The following MYRF variants were observed in gnomAD, a reference collection of about 807,000 sequenced individuals.
MYRF encodes the protein myelin gene regulatory factor.
Under a neutral mutation model 126.3 loss-of-function variants are expected in MYRF, and 16 were observed. The ratio of observed to expected loss-of-function variants is 0.13; its 90% CI spans 0.09 to 0.19. The LOEUF (loss-of-function observed/expected upper bound fraction) is 0.19. MYRF is among the 10% of genes least tolerant of loss of function. MYRF has a pLI of 1.00. For synonymous variants in MYRF, 608 were observed against 635.3 expected (o/e 0.96, Z 0.65); for missense variants, 1,104 against 1,547.0 (o/e 0.71, Z 4.80).
Position 61,776,784 on chromosome 11 carries a change from C to T in MYRF, c.1500-3C>T. 1 of 1,594,476 alleles carries T rather than the reference C, an allele frequency of 6.3e-7. No homozygotes were observed. The highest frequency in any genetic ancestry group is 8.5e-7 in the Non-Finnish European group (1 of 1,170,866). On this transcript the variant is annotated splice_region_variant and splice_polypyrimidine_tract_variant and intron_variant, in intron 10 of 26. Coordinates refer to ENST00000278836, the MANE Select transcript of MYRF (RefSeq NM_001127392.3). This position sits in a 1 kb window ranked among gnomAD's most constrained non-coding sequence, Gnocchi z 4.3. ...GTACTTCTGAGACCCCTGTGTGTCC[C>T]AGGTACTTCATGCTGGTGGTGGCCC...
chr11:61,776,298 G>A lies in MYRF; in HGVS notation c.1389-24G>A. 1 of 1,600,644 alleles carries A rather than the reference G, an allele frequency of 6.2e-7. No individual in the cohort carries two copies. Among genetic ancestry groups the A allele is most frequent in the Non-Finnish European group, 8.5e-7 (1 of 1,171,952 alleles). On this transcript the variant is annotated intron_variant, in intron 9 of 26. Transcript: ENST00000278836. This position sits in a 1 kb window ranked among gnomAD's most constrained non-coding sequence, Gnocchi z 4.3. ...CTTGCAGCCTCCCTCCCTGCCCCCT[G>A]AGCACCCTGCCTCTCCTCTGCAGGG...
rs369767896 is a variant in MYRF at position 61,769,263 on chromosome 11, A to G, written c.402A>G (p.Thr134=). ...CCCCTTCCCCTGGCTCTCGCAGCAC[A>G]CTGCCGGACTCTCCCCCAGACTCGG... is the stretch of plus-strand genomic sequence containing the variant. ...AEPKAPYAPG[T]LPDSPPDSGS... Residue 134 remains threonine, a synonymous_variant, in exon 4 of 27, where the codon ACA becomes ACG. Coordinates refer to ENST00000278836, the MANE Select transcript of MYRF (RefSeq NM_001127392.3). The G allele has an allele frequency of 8.6e-5, 138 of 1,601,532 alleles. 1 individual carries two copies. In the Admixed American group the frequency reaches 1.4e-3, roughly 17 times the overall value.
rs549642501 is a variant in MYRF at position 61,761,064 on chromosome 11, C to T, written c.47-4561C>T. ...ATCCACCAAGCCTGGCCAGCATCCTCGGGCCCCGGCCCACCCTACCCACAG... is the reference window on the plus strand; with the variant it reads ...ATCCACCAAGCCTGGCCAGCATCCTTGGGCCCCGGCCCACCCTACCCACAG... On this transcript the variant is annotated intron_variant, in intron 1 of 26. Coordinates refer to ENST00000278836, the MANE Select transcript of MYRF (RefSeq NM_001127392.3). 6.6e-5 allele frequency among the ~76,000 whole-genome samples: 10 copies of T among 152,292 alleles called. No homozygotes were observed. In the East Asian group the frequency reaches 1.7e-3, roughly 26 times the overall value.
Position 61,770,345 on chromosome 11 carries a change from G to GCC in MYRF, c.565_566dup (p.Pro190ArgfsTer19). The GCC allele has an allele frequency of 6.6e-7, 1 of 1,504,818 alleles. No homozygotes were observed. The highest frequency in any genetic ancestry group is 1.2e-5 in the South Asian group (1 of 82,342). The allele number at this position is 1,504,818 out of a possible 1,614,324, so 93.2% of individuals were successfully genotyped here. A position where few individuals can be genotyped will look rare whatever the true frequency, so the allele number is the denominator to read the frequency against. On this transcript the variant is annotated frameshift_variant, in exon 5 of 27. Coordinates refer to ENST00000278836, the MANE Select transcript of MYRF (RefSeq NM_001127392.3). LOFTEE classifies it high-confidence loss of function. Reference sequence around the variant, plus strand: ...CCCCCACCTCCAGCCCACTTGCCAGGCCCCCCGCCACCCCCACCACCCCCA... The same window carrying GCC: ...CCCCCACCTCCAGCCCACTTGCCAGGCCCCCCCCGCCACCCCCACCACCCCCA...
rs540681582 is a variant in MYRF at position 61,764,933 on chromosome 11, G to A, written c.47-692G>A. ...AGGCTTCTGCCTCCTCTGGAAAAAG[G>A]GGGCTAAGTTCCCCCGCCTGTGCCC... On this transcript the variant is annotated intron_variant, in intron 1 of 26. Coordinates refer to ENST00000278836, the MANE Select transcript of MYRF (RefSeq NM_001127392.3). Among the ~76,000 whole-genome samples the A allele has an allele frequency of 2.6e-4, 40 of 152,320 alleles. No individual in the cohort carries two copies. The East Asian group carries it at 5.6e-3, about 21-fold the overall frequency.
intron 24 of MYRF, 151 bp downstream of exon 24, chr11:61,784,076 G>T: frequency 2.8e-6 from 3 of 1,071,232 alleles, no homozygotes; most frequent in Non-Finnish European, 4.1e-6. Context: ...CCTACTTCGT[G>T]GTTAACTGGC....
rs563178516 is a variant in MYRF, at chr11:61,764,971, G to A, written c.47-654G>A. ...CCCGCCTGTGCCCAACAGGGTGATG[G>A]GCATATCCAATGAGGGTGCAGGGAG... On this transcript the variant is annotated intron_variant, in intron 1 of 26. Coordinates refer to ENST00000278836, the MANE Select transcript of MYRF (RefSeq NM_001127392.3). 5.3e-5 allele frequency among the ~76,000 whole-genome samples: 8 copies of A among 152,356 alleles called. No individual in the cohort carries two copies. In the East Asian group the frequency reaches 1.3e-3, roughly 26 times the overall value.
chr11:61,774,575 A>G (rs987973065), intron 8 of MYRF, among the ~76,000 whole-genome samples: 4 of 149,720 alleles, frequency 2.7e-5, no homozygotes, highest in Non-Finnish European at 4.4e-5. Context: ...GTGTGTGTGT[A>G]TGTGTGTGTA....
At chr11:61,764,358 C>G (rs2135736196) in intron 1 of MYRF, among the ~76,000 whole-genome samples, 1 of 152,346 alleles carries the variant, frequency 6.6e-6, no homozygotes, top group East Asian at 1.9e-4. Context: ...GCACTTCACA[C>G]ACCTCATCTC....
In MYRF at chr11:61,777,916, T is replaced by A. The variant is rs930362399; in HGVS notation, c.1903+71T>A. The A allele has an allele frequency of 8.1e-7, 1 of 1,230,420 alleles. No individual in the cohort carries two copies. The highest frequency in any genetic ancestry group is 1.2e-6 in the Non-Finnish European group (1 of 863,936). 76.2% of individuals were successfully genotyped at this position (1,230,420 alleles called of 1,614,324 possible). On this transcript the variant is annotated intron_variant, in intron 13 of 26. Transcript: ENST00000278836. This position sits in a 1 kb window ranked among gnomAD's most constrained non-coding sequence, Gnocchi z 8.8. ...CTCGGGCCTCAGTGACCTTGCCCCCTGTCACCTGGAAATCCTACTCCTCTT... is the reference window on the plus strand; with the variant it reads ...CTCGGGCCTCAGTGACCTTGCCCCCAGTCACCTGGAAATCCTACTCCTCTT...
intron 1 of MYRF, among the ~76,000 whole-genome samples, chr11:61,763,102 C>G (rs2065945825): frequency 6.6e-6 from 1 of 152,114 alleles, no homozygotes; most frequent in Non-Finnish European, 1.5e-5. Context: ...CCGTAGATTC[C>G]AAGTTCAGGC....
At chr11:61,771,283 G>T (rs1320121070) in intron 5 of MYRF, among the ~76,000 whole-genome samples, 1 of 152,244 alleles carries the variant, frequency 6.6e-6, no homozygotes, top group Non-Finnish European at 1.5e-5. Context: ...CCTGTCCACA[G>T]TCTGGGGGAA....
At chr11:61,755,174 G>A (rs1448640737) in intron 1 of MYRF, among the ~76,000 whole-genome samples, 2 of 152,188 alleles carry the variant, frequency 1.3e-5, no homozygotes, top group Non-Finnish European at 1.5e-5. Flanking sequence ...GCAGCACAGC[G>A]CGCCCCCTCA....
chr11:61,781,373 C>T (rs752621644), intron 21 of MYRF, 44 bp downstream of exon 21: 23 of 1,602,782 alleles, frequency 1.4e-5, no homozygotes, highest in Admixed American at 1.4e-4. Context: ...GGGCTACCTG[C>T]GTAGAGAGAA....
chr11:61,761,015 G>A (rs2065879475), intron 1 of MYRF, among the ~76,000 whole-genome samples: 1 of 152,196 alleles, frequency 6.6e-6, no homozygotes, highest in Non-Finnish European at 1.5e-5. Flanking sequence ...CTGGGCCCTG[G>A]TGTCCTCTGC....
intron 1 of MYRF, among the ~76,000 whole-genome samples, chr11:61,759,418 C>G (rs545688765): frequency 6.6e-6 from 1 of 152,312 alleles, no homozygotes; most frequent in Admixed American, 6.5e-5. Flanking sequence ...GCCTGTAATC[C>G]CAGCACTTTG....
chr11:61,771,854 C>T lies in MYRF; in HGVS notation c.1017C>T (p.Leu339=), dbSNP rs749835565. 3.7e-6 allele frequency: 6 copies of T among 1,614,064 alleles called. No individual in the cohort carries two copies. Among genetic ancestry groups the T allele is most frequent in the Non-Finnish European group, 5.1e-6 (6 of 1,180,026 alleles). The change falls in exon 7 of 27, where the codon CTC becomes CTT. Residue 339 remains leucine (L), a synonymous_variant. Coordinates refer to ENST00000278836, the MANE Select transcript of MYRF (RefSeq NM_001127392.3). ...GCCTCCTGCAGGACAGTGACAGCCTCAGTGGCTCCTACCTGGACCCCAACT... is the reference window on the plus strand; with the variant it reads ...GCCTCCTGCAGGACAGTGACAGCCTTAGTGGCTCCTACCTGGACCCCAACT... ...SPGLLQDSDS[L]SGSYLDPNYQ... is the part of the protein sequence containing the mutation.
At chr11:61,785,750 T>C in intron 25 of MYRF, 50 bp from the exon 26 acceptor site, 1 of 1,508,372 alleles carries the variant, frequency 6.6e-7, no homozygotes, top group East Asian at 2.3e-5. Flanking sequence ...GAGATGCTGG[T>C]TGGGATAAGG....
intron 7 of MYRF, among the ~76,000 whole-genome samples, chr11:61,773,263 C>G (rs1248074839): frequency 6.6e-6 from 1 of 152,168 alleles, no homozygotes; most frequent in Non-Finnish European, 1.5e-5. Context: ...GCTGGGATTA[C>G]AGGCGTGAGC....
Sources: allele counts gnomAD v4.1 joint callset (sites outside exome capture counted in the v4.1 genomes callset), GRCh38; gene constraint gnomAD v4.1.1; non-coding constraint Gnocchi (gnomAD v3.1); transcripts MANE v1.5; gene names NCBI Gene and HGNC (gene_info 2026-07-23, HGNC 2026-07-21).